FAM171A1: variants seen among roughly 807,000 people sequenced by gnomAD.
The protein encoded by FAM171A1 is family with sequence similarity 171 member A1, also known as protein FAM171A1.
FAM171A1 carries 23 observed loss-of-function variants against 74.9 expected under a neutral mutation model. That is an observed-to-expected ratio of 0.31 (90% CI 0.22 to 0.44). FAM171A1 has a LOEUF of 0.44. Ranked by LOEUF, FAM171A1 falls within the 20% of genes least tolerant of loss-of-function variation. The pLI is 1.00. For missense variants in FAM171A1, 1,162 were observed against 1,159.2 expected, an observed-to-expected ratio of 1.00 and a Z score of -0.03; for synonymous variants, 527 against 505.7, an observed-to-expected ratio of 1.04 and a Z score of -0.57.
Position 15,220,989 on chromosome 10 carries a change from G to T in FAM171A1, c.826C>A (p.Pro276Thr). ...GCGGCCACCCAGTACCCCAACTGGGGGGCAATGTATGTCCACGTCAGCTGG... is the reference window on the plus strand; with the variant it reads ...GCGGCCACCCAGTACCCCAACTGGGTGGCAATGTATGTCCACGTCAGCTGG... ...GSQLTWTYIA[P>T]QLGYWVAAMS... is the part of the protein sequence containing the mutation. The change falls in exon 6 of 8, where the codon CCC becomes ACC. Residue 276 changes from proline (P) to threonine (T), a missense_variant. Transcript: ENST00000378116. 6.2e-7 allele frequency: 1 copy of T among 1,614,096 alleles called. No homozygotes were observed. Among genetic ancestry groups the T allele is most frequent in the Non-Finnish European group, 8.5e-7 (1 of 1,179,998 alleles).
At chr10:15,325,323 C>T (rs916596623) in intron 1 of FAM171A1, among the ~76,000 whole-genome samples, 15 of 152,124 alleles carry the variant, frequency 9.9e-5, no homozygotes, top group African/African-American at 3.1e-4. Context: ...GCCTAGGCAA[C>T]AAGGCAAAAC....
At chr10:15,317,541 T>A (rs1056959209) in intron 1 of FAM171A1, among the ~76,000 whole-genome samples, 2 of 152,108 alleles carry the variant, frequency 1.3e-5, no homozygotes, top group African/African-American at 2.4e-5. Context: ...ATTACAGGCA[T>A]GCGCCACCAC....
In FAM171A1 at chr10:15,213,313, C is replaced by G. The variant is rs1378080801; in HGVS notation, c.2275G>C (p.Ala759Pro). 2 of 1,614,082 alleles carry G rather than the reference C, an allele frequency of 1.2e-6. No individual in the cohort carries two copies. The highest frequency in any genetic ancestry group is 1.7e-6 in the Non-Finnish European group (2 of 1,180,042). Residue 759 changes from alanine (A) to proline (P), a missense_variant, in exon 8 of 8, where the codon GCT (alanine) becomes CCT (proline). By Grantham distance (27) the Ala-to-Pro change is conservative (BLOSUM62 -1). Transcript: ENST00000378116. The surrounding 1 kb of genome is among the most constrained non-coding windows in gnomAD (Gnocchi z 6.8). The part of the protein sequence containing the change: ...PKSARKGRGD[A>P]LSLQQNYPPV... ...GGGTAGTTCTGCTGCAGAGACAAAG[C>G]ATCTCCCCTTCCCTTCCGGGCTGAT... is the stretch of plus-strand genomic sequence containing the variant.
chr10:15,352,922 A>C (rs952838128), intron 1 of FAM171A1, among the ~76,000 whole-genome samples: 1 of 152,206 alleles, frequency 6.6e-6, no homozygotes, highest in Admixed American at 6.5e-5. Flanking sequence ...GTGCACATGA[A>C]GTCACTGAGG....
intron 1 of FAM171A1, among the ~76,000 whole-genome samples, chr10:15,299,743 G>A (rs186872765): frequency 7.2e-5 from 11 of 152,078 alleles, no homozygotes; most frequent in Non-Finnish European, 1.0e-4. Context: ...ACTTTGGGAG[G>A]CGAGGTGGGC....
chr10:15,223,046 T>C (rs1260503296), intron 5 of FAM171A1, among the ~76,000 whole-genome samples: 1 of 152,106 alleles, frequency 6.6e-6, no homozygotes, highest in African/African-American at 2.4e-5. Flanking sequence ...GTTTGACATA[T>C]TGAGGAAAAA....
At chr10:15,323,937 A>G (rs556567398) in intron 1 of FAM171A1, among the ~76,000 whole-genome samples, 95 of 152,336 alleles carry the variant, frequency 6.2e-4, no homozygotes, top group South Asian at 2.5e-3. Flanking sequence ...CACTAAAAAT[A>G]TAACAGTGAA....
chr10:15,256,820 C>A (rs985385042), intron 3 of FAM171A1, among the ~76,000 whole-genome samples: 1 of 152,180 alleles, frequency 6.6e-6, no homozygotes, highest in Non-Finnish European at 1.5e-5. Context: ...TTTCTCATCC[C>A]TTCTCCCCCT....
intron 1 of FAM171A1, among the ~76,000 whole-genome samples, chr10:15,287,830 T>TA (rs1177727024): frequency 1.3e-5 from 2 of 152,188 alleles, no homozygotes; most frequent in African/African-American, 4.8e-5. Flanking sequence ...GTAAGTTCTT[T>TA]AGCGGTGATT....
intron 1 of FAM171A1, among the ~76,000 whole-genome samples, chr10:15,288,436 A>T (rs1227748068): frequency 6.6e-6 from 1 of 152,182 alleles, no homozygotes; most frequent in African/African-American, 2.4e-5. Context: ...TCCAGTGTGT[A>T]GTCTTTACCT....
At chr10:15,345,969 A>G (rs1327833047) in intron 1 of FAM171A1, among the ~76,000 whole-genome samples, 2 of 152,194 alleles carry the variant, frequency 1.3e-5, no homozygotes, top group East Asian at 3.9e-4. Context: ...TAGGGAAGGG[A>G]CAGACAGCAG....
chr10:15,326,109 G>C (rs1477920415), intron 1 of FAM171A1, among the ~76,000 whole-genome samples: 2 of 152,036 alleles, frequency 1.3e-5, no homozygotes, highest in Non-Finnish European at 2.9e-5. Context: ...TTATCTGTTG[G>C]GAAAGTTTAG....
At chr10:15,301,682 G>C (rs937478307) in intron 1 of FAM171A1, among the ~76,000 whole-genome samples, 1 of 152,168 alleles carries the variant, frequency 6.6e-6, no homozygotes, top group Non-Finnish European at 1.5e-5. Flanking sequence ...TCTTTGCATT[G>C]CCCTGTGGGA....
intron 1 of FAM171A1, among the ~76,000 whole-genome samples, chr10:15,307,906 C>T (rs1011194921): frequency 7.3e-5 from 11 of 151,544 alleles, no homozygotes; most frequent in African/African-American, 2.4e-4. Context: ...TGGGCTCAAG[C>T]GATCCTCCTA....
In FAM171A1 at chr10:15,314,297, C is replaced by A. The variant is rs778399524; in HGVS notation, c.98-30192G>T. 6.8e-4 allele frequency among the ~76,000 whole-genome samples: 103 copies of A among 152,242 alleles called. 1 individual carries two copies. The highest frequency in any genetic ancestry group is 6.8e-3 in the Middle Eastern group (2 of 294). On this transcript the variant is annotated intron_variant, in intron 1 of 7. Transcript: ENST00000378116. ...AAAAAAGAAAGAAATCTCCATGTGG[C>A]ATGTTTTAGAGCTCTTATTTAAGTG...
chr10:15,323,988 C>T (rs1835519050), intron 1 of FAM171A1, among the ~76,000 whole-genome samples: 1 of 152,108 alleles, frequency 6.6e-6, no homozygotes, highest in African/African-American at 2.4e-5. Flanking sequence ...AATGGAGCAT[C>T]AAAAATGGAA....
At chr10:15,230,595 G>A (rs1834192838) in intron 5 of FAM171A1, among the ~76,000 whole-genome samples, 1 of 152,116 alleles carries the variant, frequency 6.6e-6, no homozygotes, top group East Asian at 1.9e-4. Flanking sequence ...CATTCCCTGG[G>A]TATTTTTAGG....
intron 6 of FAM171A1, among the ~76,000 whole-genome samples, chr10:15,219,294 C>T (rs747761692): frequency 1.3e-4 from 20 of 151,896 alleles, no homozygotes; most frequent in Non-Finnish European, 2.4e-4. Context: ...AAAAAACAAA[C>T]GAACAACAAC....
intron 5 of FAM171A1, chr10:15,241,125 A>T (rs1834359563): frequency 1.3e-5 from 2 of 152,246 alleles, no homozygotes; most frequent in Non-Finnish European, 1.5e-5. Context: ...AAACCATAAA[A>T]TAATTTCATC....
Sources: gnomAD v4.1 joint callset for allele counts (sites outside exome capture counted in the v4.1 genomes callset) on GRCh38, gnomAD v4.1.1 for gene constraint, Gnocchi (gnomAD v3.1) non-coding constraint, MANE v1.5 for transcripts, NCBI Gene and HGNC (gene_info 2026-07-23, HGNC 2026-07-21) for gene names.